DOCK7: variants seen among roughly 807,000 people sequenced by gnomAD.
DOCK7 encodes the protein dedicator of cytokinesis protein 7.
DOCK7 carries 138 observed loss-of-function variants against 271.0 expected under a neutral mutation model. The ratio of observed to expected loss-of-function variants is 0.51; its 90% CI spans 0.44 to 0.59. The LOEUF (loss-of-function observed/expected upper bound fraction) is 0.59, where lower values mean the gene tolerates loss of function less well. DOCK7 is among the 20% of genes least tolerant of loss of function. The pLI is 0.00. For synonymous variants in DOCK7, 823 were observed against 876.1 expected (o/e 0.94, Z 1.07); for missense variants, 2,066 against 2,592.4 (o/e 0.80, Z 4.41).
Position 62,473,916 on chromosome 1 carries a change from C to G in DOCK7, c.6212+66G>C, listed in dbSNP as rs1168592412. ...CTCTTTTCAATGGTTCCTTAAGGCC[C>G]TTATGTCATACTGTGGTATTGGACA... On this transcript the variant is annotated intron_variant, in intron 48 of 49. Transcript: ENST00000635253. 2.2e-6 allele frequency: 3 copies of G among 1,351,426 alleles called. No individual in the cohort carries two copies. In the African/African-American group the frequency reaches 4.3e-5, roughly 20 times the overall value. The allele number at this position is 1,351,426 out of a possible 1,614,324, so 83.7% of individuals were successfully genotyped here.
At chr1:62,514,891 C>T (rs1158997330) in intron 31 of DOCK7, among the ~76,000 whole-genome samples, 1 of 151,954 alleles carries the variant, frequency 6.6e-6, no homozygotes, top group Non-Finnish European at 1.5e-5. Context: ...CACTATTATA[C>T]AATGTTCTAA....
At chr1:62,574,030 G>A (rs948766140) in intron 18 of DOCK7, among the ~76,000 whole-genome samples, 1 of 152,122 alleles carries the variant, frequency 6.6e-6, no homozygotes, top group Non-Finnish European at 1.5e-5. Flanking sequence ...GTAAGGAACG[G>A]CATTTTGAAG....
At chr1:62,685,137 T>C (rs1661584023) in intron 1 of DOCK7, among the ~76,000 whole-genome samples, 1 of 152,206 alleles carries the variant, frequency 6.6e-6, no homozygotes, top group Non-Finnish European at 1.5e-5. Context: ...CTTAGAGCAC[T>C]GTTCTAAGCA....
intron 18 of DOCK7, among the ~76,000 whole-genome samples, chr1:62,567,556 G>A (rs948869640): frequency 2.0e-5 from 3 of 152,022 alleles, no homozygotes; most frequent in Admixed American, 6.6e-5. Context: ...GGGGGGTGGA[G>A]GGCTAGGGGA....
At position 62,508,145 on chromosome 1, in the gene DOCK7, T is replaced by C. The variant is rs1229984754; in HGVS notation, c.4380-87A>G. 4 of 1,185,986 alleles carry C rather than the reference T, an allele frequency of 3.4e-6. No homozygotes were observed. In the East Asian group the frequency reaches 8.3e-5, roughly 25 times the overall value. The allele number at this position is 1,185,986 out of a possible 1,614,324, so 73.5% of individuals were successfully genotyped here. A position where few individuals can be genotyped will look rare whatever the true frequency, so the allele number is the denominator to read the frequency against. On this transcript the variant is annotated intron_variant, in intron 34 of 49. Transcript: ENST00000635253. ...CTTAAGGATGCATAGAAATAAAAAA[T>C]TTCAAACCATTTTCAATATTTGCCT...
intron 31 of DOCK7, among the ~76,000 whole-genome samples, chr1:62,516,314 C>T (rs893674946): frequency 6.6e-6 from 1 of 152,206 alleles, no homozygotes; most frequent in South Asian, 2.1e-4. Flanking sequence ...ATAAAACCAA[C>T]CTGAGATTAG....
intron 14 of DOCK7, among the ~76,000 whole-genome samples, chr1:62,596,512 T>A (rs1255900131): frequency 1.3e-5 from 2 of 152,128 alleles, no homozygotes; most frequent in Non-Finnish European, 2.9e-5. Flanking sequence ...TTAGAAATAT[T>A]ATTAATTGGC....
At chr1:62,592,138 A>C (rs1256391893) in intron 14 of DOCK7, among the ~76,000 whole-genome samples, 2 of 152,212 alleles carry the variant, frequency 1.3e-5, no homozygotes, top group Admixed American at 1.3e-4. Flanking sequence ...TGAGTTCCGA[A>C]TCCAAATTCT....
intron 1 of DOCK7, among the ~76,000 whole-genome samples, chr1:62,683,842 C>T (rs950694714): frequency 1.3e-5 from 2 of 151,938 alleles, no homozygotes; most frequent in Non-Finnish European, 2.9e-5. Flanking sequence ...GTGGGAGAAT[C>T]GCTTAAACCT....
chr1:62,510,016 A>G (rs962941689), intron 34 of DOCK7, among the ~76,000 whole-genome samples: 12 of 152,298 alleles, frequency 7.9e-5, no homozygotes, highest in Admixed American at 3.3e-4. Context: ...TTATAATTAG[A>G]AATTCTCAAG....
rs756353735 is a variant in DOCK7 at position 62,577,206 on chromosome 1, A to G, written c.2112+56T>C. The G allele has an allele frequency of 1.1e-3, 1,271 of 1,114,252 alleles. 2 individuals carry two copies. Among genetic ancestry groups the G allele is most frequent in the Non-Finnish European group, 1.5e-3 (1,184 of 814,176 alleles). The allele number at this position is 1,114,252 out of a possible 1,614,324, so 69.0% of individuals were successfully genotyped here. A position where few individuals can be genotyped will look rare whatever the true frequency, so the allele number is the denominator to read the frequency against. ...GAGTTTGCTTGGTAAAAACATCTTT[A>G]TAGTAAAAAACCCATTTCATTCAAT... On this transcript the variant is annotated intron_variant, in intron 18 of 49. Coordinates refer to ENST00000635253, the MANE Select transcript of DOCK7 (RefSeq NM_001367561.1).
At chr1:62,658,723 G>A (rs1557870849) in intron 2 of DOCK7, among the ~76,000 whole-genome samples, 1 of 152,038 alleles carries the variant, frequency 6.6e-6, no homozygotes, top group Non-Finnish European at 1.5e-5. Context: ...GCCAAGGCAG[G>A]TGGATCGACT....
At chr1:62,524,931 C>CTATATATA (rs147371901) in intron 31 of DOCK7, among the ~76,000 whole-genome samples, 4,611 of 103,438 alleles carry the variant, frequency 0.045, 468 homozygotes, top group African/African-American at 0.09. Flanking sequence ...ACCAACCAAA[C>CTATATATA]TATATATATA....
intron 34 of DOCK7, 107 bp from the exon 35 acceptor site, chr1:62,508,165 T>C: frequency 9.9e-7 from 1 of 1,005,720 alleles, no homozygotes; most frequent in African/African-American, 1.7e-5. Context: ...TTTTCAATAT[T>C]TGCCTGATAA....
Position 62,474,072 on chromosome 1 carries a change from G to A in DOCK7, c.6122C>T (p.Ala2041Val). 1.2e-6 allele frequency: 2 copies of A among 1,613,624 alleles called. No homozygotes were observed. The highest frequency in any genetic ancestry group is 1.7e-6 in the Non-Finnish European group (2 of 1,179,788). ...TTVNQGPLEV[A>V]QVFLSEIPSD... is the part of the protein sequence containing the mutation. Reference sequence around the variant, plus strand: ...AGGTATTTCAGACAGAAAAACCTGGGCAACTTCCAAAGGCCCCTGCAAAAT... The same window carrying A: ...AGGTATTTCAGACAGAAAAACCTGGACAACTTCCAAAGGCCCCTGCAAAAT... Residue 2041 changes from alanine to valine, a missense_variant, in exon 48 of 50, where the codon GCC (alanine) becomes GTC (valine). Physicochemically the swap from Ala to Val is moderately conservative, Grantham distance 64. This residue lies in a region of DOCK7 where 652 missense variants were observed against 922.1 expected (regional missense o/e 0.71). Coordinates refer to ENST00000635253, the MANE Select transcript of DOCK7 (RefSeq NM_001367561.1).
At chr1:62,611,462 T>C (rs1207064829) in intron 14 of DOCK7, among the ~76,000 whole-genome samples, 1 of 152,194 alleles carries the variant, frequency 6.6e-6, no homozygotes, top group Admixed American at 6.5e-5. Context: ...ATATGGGTGC[T>C]TGAAATGTTT....
At chr1:62,558,913 G>GTTTT in intron 20 of DOCK7, 76 bp downstream of exon 20, 1 of 954,250 alleles carries the variant, frequency 1.0e-6, no homozygotes, top group Non-Finnish European at 1.5e-6. Context: ...TAGAAATCAT[G>GTTTT]TTTTTTTTTT....
At chr1:62,495,812 T>C in intron 38 of DOCK7, 131 bp from the exon 39 acceptor site, 1 of 696,682 alleles carries the variant, frequency 1.4e-6, no homozygotes, top group Non-Finnish European at 2.3e-6. Context: ...GATATGATTC[T>C]GTACAGTATA....
intron 48 of DOCK7, among the ~76,000 whole-genome samples, chr1:62,464,929 A>G (rs1435009694): frequency 1.3e-5 from 2 of 152,208 alleles, no homozygotes; most frequent in Admixed American, 1.3e-4. Flanking sequence ...AAAGAAAAAG[A>G]TGTCATGAAT....
Sources: allele counts gnomAD v4.1 joint callset (sites outside exome capture counted in the v4.1 genomes callset), GRCh38; gene constraint gnomAD v4.1.1; regional missense constraint gnomAD v4.1.1; transcripts MANE v1.5; gene names NCBI Gene and HGNC (gene_info 2026-07-23, HGNC 2026-07-21).